The following SOX5 variants were observed in gnomAD, a reference collection of about 807,000 sequenced individuals.
The protein encoded by SOX5 is SRY-box transcription factor 5.
SOX5 carries 9 observed loss-of-function variants against 92.0 expected under a neutral mutation model. The observed-to-expected ratio is 0.10, with a 90% CI of 0.06 to 0.17. The LOEUF is 0.17. SOX5 is among the 10% of genes least tolerant of loss of function. The pLI is 1.00. For missense variants in SOX5, 642 were observed against 944.5 expected, an observed-to-expected ratio of 0.68 and a Z score of 4.20; for synonymous variants, 344 against 336.3, an observed-to-expected ratio of 1.02 and a Z score of -0.25.
chr12:24,290,180 T>C (rs1406046333), intron 2 of SOX5, among the ~76,000 whole-genome samples: 1 of 152,216 alleles, frequency 6.6e-6, no homozygotes, highest in African/African-American at 2.4e-5. Flanking sequence ...CCAGAAAACA[T>C]AAGCATACTG....
intron 2 of SOX5, among the ~76,000 whole-genome samples, chr12:23,867,705 A>G (rs1235454113): frequency 1.3e-5 from 2 of 152,076 alleles, no homozygotes; most frequent in African/African-American, 4.8e-5. Context: ...ATCTATCCCC[A>G]TAGAAAAGAA....
At chr12:24,246,844 T>C (rs1938865317) in intron 3 of SOX5, among the ~76,000 whole-genome samples, 1 of 152,112 alleles carries the variant, frequency 6.6e-6, no homozygotes, top group African/African-American at 2.4e-5. Context: ...TGAGACAGCT[T>C]ATAATGAAAT....
intron 1 of SOX5, among the ~76,000 whole-genome samples, chr12:24,440,637 TGTGA>T (rs1264863116): frequency 4.4e-3 from 498 of 113,180 alleles, no homozygotes; most frequent in African/African-American, 0.014. Flanking sequence ...TGTGTGTGTG[TGTGA>T]AGAACAGAAG....
chr12:24,407,036 C>T (rs1963116624), intron 1 of SOX5, among the ~76,000 whole-genome samples: 1 of 152,006 alleles, frequency 6.6e-6, no homozygotes, highest in Admixed American at 6.5e-5. Context: ...TGCAAAGGAT[C>T]TCGTGCCATA....
chr12:23,663,263 A>G (rs1294557636), intron 7 of SOX5, among the ~76,000 whole-genome samples: 1 of 152,158 alleles, frequency 6.6e-6, no homozygotes, highest in Non-Finnish European at 1.5e-5. Context: ...TTTTATTTCC[A>G]AGGTTACAAA....
chr12:23,946,077 C>T (rs546800884), intron 1 of SOX5, among the ~76,000 whole-genome samples: 18 of 152,028 alleles, frequency 1.2e-4, no homozygotes, highest in Non-Finnish European at 1.0e-4. Context: ...ATTATTTAGT[C>T]AGCATGACCA....
At chr12:24,265,271 G>T (rs1049540074) in intron 3 of SOX5, among the ~76,000 whole-genome samples, 1 of 152,166 alleles carries the variant, frequency 6.6e-6, no homozygotes, top group African/African-American at 2.4e-5. Flanking sequence ...ATATGGCCAG[G>T]TGTGGTGGCT....
At chr12:24,400,471 A>G (rs926348654) in intron 1 of SOX5, among the ~76,000 whole-genome samples, 1 of 152,252 alleles carries the variant, frequency 6.6e-6, no homozygotes, top group African/African-American at 2.4e-5. Flanking sequence ...GCAATGTTAA[A>G]GCAAAAGCAC....
At chr12:23,730,286 C>T (rs1000677711) in intron 6 of SOX5, among the ~76,000 whole-genome samples, 11 of 152,078 alleles carry the variant, frequency 7.2e-5, no homozygotes, top group African/African-American at 2.7e-4. Context: ...CAAATTTCAT[C>T]TATTAATATG....
chr12:23,561,117 A>G (rs1361210450), intron 11 of SOX5, among the ~76,000 whole-genome samples: 1 of 152,228 alleles, frequency 6.6e-6, no homozygotes, highest in Non-Finnish European at 1.5e-5. Flanking sequence ...TTGAGAACAG[A>G]GACATCTTAA....
chr12:23,776,352 C>T (rs1245703042), intron 3 of SOX5, among the ~76,000 whole-genome samples: 1 of 152,132 alleles, frequency 6.6e-6, no homozygotes, highest in Non-Finnish European at 1.5e-5. Context: ...AATAAACTAT[C>T]AACTGCAAGT....
intron 1 of SOX5, among the ~76,000 whole-genome samples, chr12:24,399,663 AT>A (rs1168188667): frequency 6.6e-6 from 1 of 152,216 alleles, no homozygotes; most frequent in Non-Finnish European, 1.5e-5. Flanking sequence ...AAGTCTGGTT[AT>A]TTTGAATTGC....
intron 1 of SOX5, among the ~76,000 whole-genome samples, chr12:24,531,869 A>G (rs140178512): frequency 4.6e-5 from 7 of 152,356 alleles, no homozygotes; most frequent in African/African-American, 1.7e-4. Context: ...CTCAGGCTCT[A>G]TGGCAGCTCC....
chr12:24,220,810 T>C (rs761651386), intron 3 of SOX5, among the ~76,000 whole-genome samples: 5 of 152,298 alleles, frequency 3.3e-5, no homozygotes, highest in African/African-American at 9.6e-5. Context: ...CCAAACAGTA[T>C]TGAATAACCA....
chr12:23,813,805 TTATAAC>T (rs2095927260), intron 3 of SOX5, among the ~76,000 whole-genome samples: 1 of 152,164 alleles, frequency 6.6e-6, no homozygotes, highest in Non-Finnish European at 1.5e-5. Flanking sequence ...TCTTTAAATA[TTATAAC>T]TATAACTTGG....
At chr12:23,984,989 ACT>A (rs945348408) in intron 4 of SOX5, among the ~76,000 whole-genome samples, 5 of 152,110 alleles carry the variant, frequency 3.3e-5, no homozygotes, top group African/African-American at 9.7e-5. Context: ...GATATAAATA[ACT>A]CTGGCAGCTT....
chr12:24,378,501 G>A (rs994407951), intron 1 of SOX5, among the ~76,000 whole-genome samples: 8 of 152,268 alleles, frequency 5.3e-5, no homozygotes, highest in African/African-American at 1.7e-4. Context: ...CCCATCACTT[G>A]CTCAAGGGAT....
At chr12:23,900,308 T>C (rs2097217576) in intron 1 of SOX5, among the ~76,000 whole-genome samples, 2 of 152,150 alleles carry the variant, frequency 1.3e-5, no homozygotes, top group Non-Finnish European at 2.9e-5. Flanking sequence ...CCTGCATAAT[T>C]AAGCTACTCT....
chr12:24,540,175 A>G (rs1951994217), intron 1 of SOX5, among the ~76,000 whole-genome samples: 1 of 152,182 alleles, frequency 6.6e-6, no homozygotes. Context: ...ATCTGCCAAC[A>G]TAGGATTAGC....
Sources: allele counts gnomAD v4.1 joint callset (sites outside exome capture counted in the v4.1 genomes callset), GRCh38; gene constraint gnomAD v4.1.1; transcripts MANE v1.5; gene names NCBI Gene and HGNC (gene_info 2026-07-23, HGNC 2026-07-21).